LRRC56: variants seen among roughly 807,000 people sequenced by gnomAD.
The protein encoded by LRRC56 is leucine-rich repeat-containing protein 56.
Under a neutral mutation model 47.8 loss-of-function variants are expected in LRRC56, and 41 were observed. The observed-to-expected ratio is 0.86, with a 90% CI of 0.67 to 1.11. The LOEUF (loss-of-function observed/expected upper bound fraction) is 1.11, where lower values mean the gene tolerates loss of function less well. LRRC56 is among the 50% of genes most tolerant of loss of function. LRRC56 has a pLI of 0.00. For synonymous variants in LRRC56, 387 were observed against 311.2 expected (o/e 1.24, Z -2.56); for missense variants, 759 against 704.2 (o/e 1.08, Z -0.88).
At chr11:550,438 C>A (rs1211142121) in intron 8 of LRRC56, among the ~76,000 whole-genome samples, 166 bp downstream of exon 8, 1 of 152,204 alleles carries the variant, frequency 6.6e-6, no homozygotes, top group East Asian at 1.9e-4. Flanking sequence ...TGACGGCTCC[C>A]AGGACACCCT....
chr11:532,752 C>T (rs1851183840), upstream of LRRC56: 1 of 1,612,496 alleles, frequency 6.2e-7, no homozygotes. Flanking sequence ...GCATCCTCCA[C>T]TCCCTGGGAA....
the LRRC56 span, among the ~76,000 whole-genome samples, chr11:518,650 G>A: frequency 5.3e-5 from 8 of 152,120 alleles, no homozygotes; most frequent in Non-Finnish European, 1.0e-4. Context: ...CTTGGAGACC[G>A]TATTCCATTC....
At chr11:514,208 G>T in the LRRC56 span, among the ~76,000 whole-genome samples, 1 of 151,854 alleles carries the variant, frequency 6.6e-6, no homozygotes, top group Non-Finnish European at 1.5e-5. Context: ...TGGCCAGGCT[G>T]GTCTCGAACT....
chr11:551,909 G>A lies in LRRC56; in HGVS notation c.980G>A (p.Gly327Asp). Reference protein sequence around the residue: ...DNTSSLTHGAGQVLCGNPTKG... With the variant: ...DNTSSLTHGADQVLCGNPTKG... ...GCCATGCTGTCTCTTGCAGGTGCTG[G>A]CCAAGTCCTCTGTGGGAACCCCACC... Residue 327 changes from glycine to aspartate, a missense_variant, in exon 11 of 14, where the codon GGC (glycine) becomes GAC (aspartate). Physicochemically the swap from Gly to Asp is moderately conservative, Grantham distance 94. Coordinates refer to ENST00000270115, the MANE Select transcript of LRRC56 (RefSeq NM_198075.4). The A allele has an allele frequency of 6.2e-7, 1 of 1,612,544 alleles. No individual in the cohort carries two copies. The highest frequency in any genetic ancestry group is 8.5e-7 in the Non-Finnish European group (1 of 1,179,846).
At chr11:540,911 C>T (rs1851764464) in intron 4 of LRRC56, 50 bp downstream of exon 4, 3 of 1,395,402 alleles carry the variant, frequency 2.1e-6, no homozygotes, top group Admixed American at 2.5e-5. Context: ...CGTGGGGTGA[C>T]ATCCCAGGGC....
chr11:541,468 C>A lies in LRRC56; in HGVS notation c.178-69C>A. ...CAGCGGGAGCCCCAGAGTCCTGTAG[C>A]CAGAAGCAAGGATGGAACTAAAGTG... On this transcript the variant is annotated intron_variant, in intron 4 of 13. Coordinates refer to ENST00000270115, the MANE Select transcript of LRRC56 (RefSeq NM_198075.4). The surrounding 1 kb of genome is among the most constrained non-coding windows in gnomAD (Gnocchi z 4.1). 3.2e-6 allele frequency: 3 copies of A among 930,046 alleles called. No homozygotes were observed. Among genetic ancestry groups the A allele is most frequent in the African/African-American group, 1.7e-5 (1 of 58,730 alleles). The allele number at this position is 930,046 out of a possible 1,614,324, so 57.6% of individuals were successfully genotyped here. A position where few individuals can be genotyped will look rare whatever the true frequency, so the allele number is the denominator to read the frequency against.
At chr11:525,268 G>A in the LRRC56 span, among the ~76,000 whole-genome samples, 7 of 149,756 alleles carry the variant, frequency 4.7e-5, no homozygotes, top group South Asian at 8.6e-4. Context: ...GGCCAGGCAC[G>A]GTGGCTCACG....
the LRRC56 span, among the ~76,000 whole-genome samples, chr11:532,066 G>C: frequency 6.6e-6 from 1 of 152,202 alleles, no homozygotes; most frequent in Non-Finnish European, 1.5e-5. Flanking sequence ...CAGAAGCCGT[G>C]GACACTGGGG....
the LRRC56 span, chr11:532,430 CCCTTCCTTCCTTCCTTGCTTCCGT>C: frequency 4.2e-6 from 3 of 713,766 alleles, no homozygotes; most frequent in South Asian, 1.8e-5. Context: ...GCTCCAGCAG[CCCTTCCTTCCTTCCTTGCTTCCGT>C]CCTTCCTTCC....
chr11:517,070 C>CG, the LRRC56 span, among the ~76,000 whole-genome samples: 1 of 152,216 alleles, frequency 6.6e-6, no homozygotes, highest in Non-Finnish European at 1.5e-5. Flanking sequence ...GGCTGGTCTC[C>CG]GGCTCCTGAC....
chr11:520,326 G>A, the LRRC56 span, among the ~76,000 whole-genome samples: 4 of 151,750 alleles, frequency 2.6e-5, no homozygotes, highest in Non-Finnish European at 5.9e-5. Flanking sequence ...CTTTATTACT[G>A]ATTTTTTTTT....
chr11:521,451 A>G, the LRRC56 span, among the ~76,000 whole-genome samples: 1 of 152,094 alleles, frequency 6.6e-6, no homozygotes, highest in Non-Finnish European at 1.5e-5. Context: ...TGCGACTACA[A>G]GCACACACCA....
the LRRC56 span, among the ~76,000 whole-genome samples, chr11:516,071 G>C: frequency 6.6e-6 from 1 of 152,126 alleles, no homozygotes; most frequent in Non-Finnish European, 1.5e-5. Flanking sequence ...TGTTACCAAT[G>C]CCACACTGTC....
At chr11:548,955 G>A (rs1852224755) in intron 6 of LRRC56, among the ~76,000 whole-genome samples, 1 of 152,184 alleles carries the variant, frequency 6.6e-6, no homozygotes, top group South Asian at 2.1e-4. Flanking sequence ...AGCTGCTCTT[G>A]AAGAAATCAC....
chr11:538,404 C>T (rs932098479), intron 1 of LRRC56, among the ~76,000 whole-genome samples, 194 bp from the exon 2 acceptor site: 1 of 152,146 alleles, frequency 6.6e-6, no homozygotes, highest in Non-Finnish European at 1.5e-5. Context: ...TGCTGTGAGG[C>T]CTGGGGCCTT....
At chr11:539,436 G>A (rs1851679838) in intron 2 of LRRC56, 144 bp from the exon 3 acceptor site, 1 of 145,492 alleles carries the variant, frequency 6.9e-6, no homozygotes, top group Admixed American at 7.1e-5. Flanking sequence ...CCAGGCTGGA[G>A]GACAGTGGCG....
chr11:528,502 C>A, the LRRC56 span: 1 of 152,144 alleles, frequency 6.6e-6, no homozygotes, highest in Non-Finnish European at 1.5e-5. Flanking sequence ...CAGCAGGGCT[C>A]AAGAAGGTGA....
At chr11:547,454 G>A (rs888317402) in intron 6 of LRRC56, among the ~76,000 whole-genome samples, 4 of 151,876 alleles carry the variant, frequency 2.6e-5, no homozygotes, top group African/African-American at 7.2e-5. Context: ...CCGGGTTCAC[G>A]CCATTCCCCT....
At chr11:534,657 G>A (rs1851344554), upstream of LRRC56, 1 of 422,240 alleles carries the variant, frequency 2.4e-6, no homozygotes, top group African/African-American at 2.0e-5. Context: ...ACCCAAATTA[G>A]AAGCTGCTGG....
Sources: allele counts gnomAD v4.1 joint callset (sites outside exome capture counted in the v4.1 genomes callset), GRCh38; gene constraint gnomAD v4.1.1; non-coding constraint Gnocchi (gnomAD v3.1); transcripts MANE v1.5; gene names NCBI Gene and HGNC (gene_info 2026-07-23, HGNC 2026-07-21).